NINL: variants seen among roughly 807,000 people sequenced by gnomAD.
NINL encodes the protein ninein like.
Under a neutral mutation model 160.3 loss-of-function variants are expected in NINL, and 153 were observed. The ratio of observed to expected loss-of-function variants is 0.95; its 90% CI spans 0.84 to 1.09. The LOEUF is 1.09. NINL is among the 50% of genes least tolerant of loss of function. The pLI, the probability that NINL is intolerant of heterozygous loss-of-function variation, is 0.00. For missense variants in NINL, 1,829 were observed against 1,764.0 expected (o/e 1.04, Z -0.66); for synonymous variants, 800 against 734.8 (o/e 1.09, Z -1.43).
In NINL at chr20:25,583,126, C is replaced by T. The variant is rs146752153; in HGVS notation, c.-12+2329G>A. On this transcript the variant is annotated intron_variant, in intron 1 of 23. Transcript: ENST00000278886. Reference sequence around the variant, plus strand: ...CAATGGCAACAAAAGCCAAAACTGACAAATGGGATCTAACCTAAGAGCTTC... The same window carrying T: ...CAATGGCAACAAAAGCCAAAACTGATAAATGGGATCTAACCTAAGAGCTTC... 1.4e-3 allele frequency among the ~76,000 whole-genome samples: 206 copies of T among 152,304 alleles called. 1 individual carries two copies. The highest frequency in any genetic ancestry group is 4.7e-3 in the African/African-American group (194 of 41,560).
chr20:25,493,196 T>C (rs1402410028), intron 10 of NINL, among the ~76,000 whole-genome samples: 1 of 152,170 alleles, frequency 6.6e-6, no homozygotes, highest in Non-Finnish European at 1.5e-5. Flanking sequence ...AAACTGAGTA[T>C]GAGTCAACTT....
chr20:25,502,679 C>T (rs1050303099), intron 7 of NINL, among the ~76,000 whole-genome samples: 1 of 152,166 alleles, frequency 6.6e-6, no homozygotes, highest in Non-Finnish European at 1.5e-5. Flanking sequence ...CCTCTTAGTA[C>T]TGACCTCATG....
At chr20:25,515,573 G>A (rs554290472) in intron 3 of NINL, among the ~76,000 whole-genome samples, 1 of 152,200 alleles carries the variant, frequency 6.6e-6, no homozygotes, top group African/African-American at 2.4e-5. Flanking sequence ...AGATTTTGCG[G>A]GGGGTGTGCA....
intron 13 of NINL, among the ~76,000 whole-genome samples, chr20:25,483,654 G>A (rs1346021597): frequency 2.0e-5 from 3 of 152,282 alleles, no homozygotes; most frequent in Non-Finnish European, 4.4e-5. Flanking sequence ...ACCATGGCAG[G>A]GTGGGTGGAA....
chr20:25,509,394 C>T (rs1400128729), intron 5 of NINL, among the ~76,000 whole-genome samples: 1 of 152,236 alleles, frequency 6.6e-6, no homozygotes, highest in African/African-American at 2.4e-5. Context: ...CTCACCTTCT[C>T]CAATCCTTCC....
intron 20 of NINL, among the ~76,000 whole-genome samples, chr20:25,461,854 C>T (rs969527662): frequency 6.6e-6 from 1 of 152,210 alleles, no homozygotes; most frequent in African/African-American, 2.4e-5. Context: ...AGGTGCGCCA[C>T]GCACTGCAGG....
intron 1 of NINL, among the ~76,000 whole-genome samples, chr20:25,568,902 C>T (rs1409981980): frequency 6.6e-6 from 1 of 151,504 alleles, no homozygotes; most frequent in Non-Finnish European, 1.5e-5. Context: ...GCCTGGGCAA[C>T]ACATTGAGAC....
intron 17 of NINL, among the ~76,000 whole-genome samples, chr20:25,474,920 T>TG (rs2063193749): frequency 6.6e-6 from 1 of 151,508 alleles, no homozygotes; most frequent in Admixed American, 6.6e-5. Context: ...CCCGAGTAGC[T>TG]GGGATTACAG....
intron 1 of NINL, among the ~76,000 whole-genome samples, chr20:25,569,227 CAAA>C (rs772304012): frequency 5.3e-5 from 3 of 57,110 alleles, no homozygotes. Context: ...GACTCTGTCT[CAAA>C]AAAAAAAAAA....
Position 25,469,011 on chromosome 20 carries a change from C to G in NINL, c.3353+980G>C, listed in dbSNP as rs535185226. Among the ~76,000 whole-genome samples, 187 of 147,416 alleles carry G rather than the reference C, an allele frequency of 1.3e-3. 1 individual carries two copies. The highest frequency in any genetic ancestry group is 1.4e-3 in the Non-Finnish European group (91 of 66,930). On this transcript the variant is annotated intron_variant, in intron 18 of 23. Coordinates refer to ENST00000278886, the MANE Select transcript of NINL (RefSeq NM_025176.6). ...ACTGGTGAGTCCCCCCTTGCCCTGT[C>G]TCCCGACTCTCACTGGTGGGTGCCC...
intron 19 of NINL, among the ~76,000 whole-genome samples, chr20:25,466,054 C>G (rs535084220): frequency 6.6e-6 from 1 of 152,168 alleles, no homozygotes; most frequent in South Asian, 2.1e-4. Flanking sequence ...GAGACAGGGT[C>G]TCACTCTGTC....
At chr20:25,461,902 G>C (rs1236068512) in intron 20 of NINL, among the ~76,000 whole-genome samples, 1 of 152,148 alleles carries the variant, frequency 6.6e-6, no homozygotes, top group Non-Finnish European at 1.5e-5. Flanking sequence ...GCGTTTCCTG[G>C]GGCATTAGTT....
chr20:25,538,608 T>C lies in NINL; in HGVS notation c.-11-12010A>G, dbSNP rs146301426. On this transcript the variant is annotated intron_variant, in intron 1 of 23. Coordinates refer to ENST00000278886, the MANE Select transcript of NINL (RefSeq NM_025176.6). The stretch of plus-strand genomic sequence containing the variant: ...ATGGCATGGCCTCTGCTCCCAGGCA[T>C]GGACATGGCCTGGCCCCAGGGTCAC... Among the ~76,000 whole-genome samples the C allele has an allele frequency of 1.4e-3, 213 of 152,160 alleles. 1 individual carries two copies. Among genetic ancestry groups the C allele is most frequent in the African/African-American group, 4.8e-3 (201 of 41,526 alleles).
intron 5 of NINL, among the ~76,000 whole-genome samples, chr20:25,509,458 C>G (rs1268234731): frequency 6.6e-6 from 1 of 152,226 alleles, no homozygotes; most frequent in African/African-American, 2.4e-5. Flanking sequence ...AGTGTAAAAG[C>G]TTGTGCTGTG....
intron 1 of NINL, 74 bp from the exon 2 acceptor site, chr20:25,526,672 G>A: frequency 1.4e-6 from 2 of 1,457,576 alleles, no homozygotes; most frequent in Non-Finnish European, 1.9e-6. Context: ...CACTGCCGGT[G>A]AGCACCGAGC....
intron 3 of NINL, among the ~76,000 whole-genome samples, chr20:25,516,752 G>A (rs2064166583): frequency 6.6e-6 from 1 of 152,104 alleles, no homozygotes; most frequent in South Asian, 2.1e-4. Flanking sequence ...CTGAACCCAA[G>A]GCTTCTCCTC....
chr20:25,554,181 T>C (rs530958061), intron 1 of NINL, among the ~76,000 whole-genome samples: 2 of 152,140 alleles, frequency 1.3e-5, no homozygotes, highest in South Asian at 2.1e-4. Context: ...GAGCAGAAGC[T>C]AAACAAGGAG....
chr20:25,477,032 A>G lies in NINL; in HGVS notation c.2259T>C (p.Ala753=). The change falls in exon 17 of 24, where the codon GCT becomes GCC. Residue 753 remains alanine (A), a synonymous_variant. Transcript: ENST00000278886. The stretch of plus-strand genomic sequence containing the variant: ...CCAGCTCCAAGGTCAGGTCTCTGCG[A>G]GCGGGCAGGGCTCCCAGCCCCGACA... ...GELSGLGALP[A]RRDLTLELEE... 6.3e-7 allele frequency: 1 copy of G among 1,599,436 alleles called. No individual in the cohort carries two copies. Among genetic ancestry groups the G allele is most frequent in the Non-Finnish European group, 8.5e-7 (1 of 1,179,672 alleles).
intron 1 of NINL, among the ~76,000 whole-genome samples, chr20:25,552,210 A>AT (rs146105968): frequency 1.5e-4 from 22 of 149,496 alleles, no homozygotes; most frequent in Admixed American, 2.0e-4. Flanking sequence ...GCCTTTTATC[A>AT]TTTTTTTTTT....
Sources: gnomAD v4.1 joint callset for allele counts (sites outside exome capture counted in the v4.1 genomes callset) on GRCh38, gnomAD v4.1.1 for gene constraint, MANE v1.5 for transcripts, NCBI Gene and HGNC (gene_info 2026-07-23, HGNC 2026-07-21) for gene names.